Variants in EML6 observed in about 807,000 individuals in gnomAD.
EML6 encodes the protein EMAP like 6, also known as echinoderm microtubule-associated protein-like 6.
Under a neutral mutation model 240.1 loss-of-function variants are expected in EML6, and 154 were observed. That is an observed-to-expected ratio of 0.64 (90% CI 0.56 to 0.73). The LOEUF is 0.73. Among genes scored for constraint, EML6 ranks in the 30% least tolerant of loss-of-function variants. EML6 has a pLI of 0.00. For missense variants in EML6, 2,964 were observed against 2,474.6 expected (o/e 1.20, Z -4.20); for synonymous variants, 1,148 against 899.0 (o/e 1.28, Z -4.95).
intron 7 of EML6, among the ~76,000 whole-genome samples, chr2:54,835,033 C>T (rs960419294): frequency 2.6e-5 from 4 of 152,048 alleles, no homozygotes; most frequent in Admixed American, 6.5e-5. Flanking sequence ...GCCCTGGCTG[C>T]TCCTTCCCCT....
rs1230986962 is a variant in EML6 at position 54,958,005 on chromosome 2, T to A, written c.4695+7T>A. ...CTCCGTGGCCTTCGGTGCTGTGAGT[T>A]CTAGCAGATACTCCCTGAGAAGGGG... On this transcript the variant is annotated splice_region_variant and intron_variant, in intron 33 of 41. Coordinates refer to ENST00000356458, the MANE Select transcript of EML6 (RefSeq NM_001039753.4). 6.5e-7 allele frequency: 1 copy of A among 1,545,962 alleles called. No homozygotes were observed.
rs1676835501 is a variant in EML6 at position 54,968,243 on chromosome 2, C to G, written c.5713C>G (p.Leu1905Val). The G allele has an allele frequency of 6.4e-7, 1 of 1,551,712 alleles. No individual in the cohort carries two copies. The highest frequency in any genetic ancestry group is 1.4e-5 in the African/African-American group (1 of 73,176). The change falls in exon 40 of 42, where the codon CTG becomes GTG. Residue 1905 changes from leucine to valine, a missense_variant. Physicochemically the swap from Leu to Val is conservative, Grantham distance 32. Coordinates refer to ENST00000356458, the MANE Select transcript of EML6 (RefSeq NM_001039753.4). ...CATTGTCACAGGAGATGACTTTGGG[C>G]TGGTGAAGCTCTTTGATTTTCCATG... ...LNIVTGDDFG[L>V]VKLFDFPCTE...
intron 2 of EML6, among the ~76,000 whole-genome samples, chr2:54,750,030 A>G (rs1684088770): frequency 6.6e-6 from 1 of 152,214 alleles, no homozygotes; most frequent in Admixed American, 6.5e-5. Flanking sequence ...GTTTGCTGAA[A>G]GCAATGGCAA....
At chr2:54,934,533 C>CGTAT (rs1357995772) in intron 28 of EML6, among the ~76,000 whole-genome samples, 1 of 151,868 alleles carries the variant, frequency 6.6e-6, no homozygotes, top group African/African-American at 2.4e-5. Context: ...CAACTTAGAA[C>CGTAT]ATATATACAT....
At chr2:54,892,892 C>A (rs975977333) in intron 19 of EML6, among the ~76,000 whole-genome samples, 4 of 152,162 alleles carry the variant, frequency 2.6e-5, no homozygotes, top group Non-Finnish European at 5.9e-5. Context: ...ACATGCTCTT[C>A]CTGGCGCCCA....
chr2:54,914,641 C>A (rs1558681081), intron 25 of EML6, among the ~76,000 whole-genome samples: 1 of 152,140 alleles, frequency 6.6e-6, no homozygotes, highest in Non-Finnish European at 1.5e-5. Flanking sequence ...TTGCAGAGTC[C>A]TTCCAACTGA....
chr2:54,780,431 C>T (rs1415214760), intron 2 of EML6, among the ~76,000 whole-genome samples: 1 of 152,086 alleles, frequency 6.6e-6, no homozygotes, highest in African/African-American at 2.4e-5. Flanking sequence ...AATATTTGAC[C>T]TGATACAGAG....
chr2:54,861,824 A>G (rs1188877568), intron 12 of EML6, among the ~76,000 whole-genome samples: 2 of 151,514 alleles, frequency 1.3e-5, no homozygotes, highest in African/African-American at 4.9e-5. Context: ...TGTCAGTGAC[A>G]ATGAAGAAAT....
chr2:54,783,846 T>C (rs2103862073), intron 2 of EML6, among the ~76,000 whole-genome samples: 1 of 152,354 alleles, frequency 6.6e-6, no homozygotes, highest in African/African-American at 2.4e-5. Flanking sequence ...TGCTATTTTG[T>C]ATTCTATTTT....
chr2:54,841,988 C>T (rs1669484342), intron 7 of EML6, among the ~76,000 whole-genome samples: 1 of 152,124 alleles, frequency 6.6e-6, no homozygotes, highest in South Asian at 2.1e-4. Flanking sequence ...TTCCCACCCA[C>T]AACACACATA....
chr2:54,760,034 G>A lies in EML6; in HGVS notation c.197+34776G>A, dbSNP rs1464952678. ...TCCGATTCTGGGCCATTACTCTGAT[G>A]CATTAAGAATGTTAGTAATTTAAAT... On this transcript the variant is annotated intron_variant, in intron 2 of 41. Transcript: ENST00000356458. Among the ~76,000 whole-genome samples, 5 of 151,892 alleles carry A rather than the reference G, an allele frequency of 3.3e-5. No individual in the cohort carries two copies. The East Asian group carries it at 7.7e-4, about 23-fold the overall frequency.
chr2:54,882,592 C>A (rs959532788), intron 17 of EML6: 3 of 151,972 alleles, frequency 2.0e-5, no homozygotes, highest in Non-Finnish European at 4.4e-5. Flanking sequence ...GGCGCGGTAG[C>A]TCACGCCCGT....
chr2:54,838,773 G>C (rs969768285), intron 7 of EML6, among the ~76,000 whole-genome samples: 7 of 152,192 alleles, frequency 4.6e-5, no homozygotes, highest in African/African-American at 1.7e-4. Context: ...ATAGGCCCAA[G>C]CTCCACGTTT....
chr2:54,731,907 A>G (rs1031096592), intron 2 of EML6, among the ~76,000 whole-genome samples: 3 of 152,160 alleles, frequency 2.0e-5, no homozygotes, highest in Non-Finnish European at 2.9e-5. Context: ...CAGCCACACC[A>G]TTTTAGCATC....
chr2:54,922,593 A>G (rs767330074), intron 26 of EML6, among the ~76,000 whole-genome samples: 1 of 152,262 alleles, frequency 6.6e-6, no homozygotes, highest in Non-Finnish European at 1.5e-5. Flanking sequence ...CTACACCACC[A>G]TGTTCATTAC....
At chr2:54,917,318 T>C (rs1673969187) in intron 26 of EML6, among the ~76,000 whole-genome samples, 1 of 151,790 alleles carries the variant, frequency 6.6e-6, no homozygotes. Context: ...AACGTTTTTA[T>C]CTATCTTGAG....
At chr2:54,917,469 A>G (rs1052415728) in intron 26 of EML6, among the ~76,000 whole-genome samples, 1 of 150,232 alleles carries the variant, frequency 6.7e-6, no homozygotes, top group African/African-American at 2.5e-5. Flanking sequence ...GGTTCAGGCA[A>G]TTCCCTGCCT....
Position 54,850,198 on chromosome 2 carries a change from G to A in EML6, c.1424G>A (p.Arg475Gln), listed in dbSNP as rs201339209. 1.0e-3 allele frequency: 1,595 copies of A among 1,551,490 alleles called. 2 individuals carry two copies. The highest frequency in any genetic ancestry group is 1.3e-3 in the Non-Finnish European group (1,452 of 1,146,936). Residue 475 changes from arginine (R) to glutamine (Q), a missense_variant, in exon 10 of 42, where the codon CGA becomes CAA. Transcript: ENST00000356458. ...YLQTNDGAGE[R>Q]LFYRMPSGKP... ...CAAACTAATGACGGTGCAGGAGAAC[G>A]ATTGTTCTACAGAATGCCATGTAAG...
intron 2 of EML6, among the ~76,000 whole-genome samples, chr2:54,741,056 T>C (rs1430080300): frequency 2.0e-5 from 3 of 152,152 alleles, no homozygotes; most frequent in Non-Finnish European, 4.4e-5. Context: ...TGTTCAGTGC[T>C]TACTCTGTAA....
Sources: allele counts gnomAD v4.1 joint callset (sites outside exome capture counted in the v4.1 genomes callset), GRCh38; gene constraint gnomAD v4.1.1; transcripts MANE v1.5; gene names NCBI Gene and HGNC (gene_info 2026-07-23, HGNC 2026-07-21).